Variants in PAQR3 observed in about 807,000 individuals in gnomAD.
PAQR3 encodes progestin and adipoQ receptor family member 3.
In PAQR3, 39 loss-of-function variants were observed where a neutral mutation model predicts 41.7. The observed-to-expected ratio is 0.93, with a 90% CI of 0.72 to 1.22. The LOEUF (loss-of-function observed/expected upper bound fraction) is 1.22, where lower values mean the gene tolerates loss of function less well. Among genes scored for constraint, PAQR3 ranks in the 50% most tolerant of loss-of-function variants. The pLI, the probability that PAQR3 is intolerant of heterozygous loss-of-function variation, is 0.00. For synonymous variants in PAQR3, 140 were observed against 140.6 expected (o/e 1.00, Z 0.03); for missense variants, 366 against 385.6 (o/e 0.95, Z 0.42).
At chr4:78,911,132 CCTT>C (rs775002265), downstream of PAQR3, 17 of 1,613,998 alleles carry the variant, frequency 1.1e-5, no homozygotes, top group Non-Finnish European at 1.3e-5. Flanking sequence ...GGCGCTGTCC[CCTT>C]CTTTGCAGTG....
chr4:78,911,480 T>G (rs760581889), downstream of PAQR3: 1 of 1,613,988 alleles, frequency 6.2e-7, no homozygotes, highest in South Asian at 1.1e-5. Context: ...TTACAGAAAC[T>G]GTCCTCTCGC....
In PAQR3 at chr4:78,920,205, C is replaced by G. The variant is rs10028067; in HGVS notation, c.*334G>C. 0.85 allele frequency: 857,332 copies of G among 1,014,170 alleles called. 362,803 individuals are homozygous for G. The highest frequency in any genetic ancestry group is 0.91 in the East Asian group (9,861 of 10,854). The allele number at this position is 1,014,170 out of a possible 1,614,324, so 62.8% of individuals were successfully genotyped here. A position where few individuals can be genotyped will look rare whatever the true frequency, so the allele number is the denominator to read the frequency against. On this transcript the variant is annotated 3_prime_UTR_variant, in exon 6 of 6. Transcript: ENST00000512733. The stretch of plus-strand genomic sequence containing the variant: ...TAAGATGACTCCATTTTCTAATGGA[C>G]ATGAGCCCTTCCTAAGGAAATTAAG...
Position 78,914,865 on chromosome 4 carries a change from C to T in PAQR3, c.*5674G>A, listed in dbSNP as rs1453024774. ...AAATTATTATGAAGCTAGCAAAAAT[C>T]TTGAGGCCAAAGTTGTTTCTTAACA... On this transcript the variant is annotated 3_prime_UTR_variant, in exon 6 of 6. Transcript: ENST00000512733. The T allele has an allele frequency of 2.6e-5, 4 of 151,764 alleles. No homozygotes were observed. The highest frequency in any genetic ancestry group is 6.6e-5 in the Admixed American group (1 of 15,226). 9.4% of individuals were successfully genotyped at this position (151,764 alleles called of 1,614,324 possible). A position where few individuals can be genotyped will look rare whatever the true frequency, so the allele number is the denominator to read the frequency against.
At chr4:78,911,367 C>G, downstream of PAQR3, 1 of 1,614,000 alleles carries the variant, frequency 6.2e-7, no homozygotes, top group Non-Finnish European at 8.5e-7. Context: ...TTCAGCCCTT[C>G]CTCACATCAA....
chr4:78,909,973 T>A (rs1166112679), downstream of PAQR3, among the ~76,000 whole-genome samples: 2 of 152,202 alleles, frequency 1.3e-5, no homozygotes, highest in Non-Finnish European at 2.9e-5. Flanking sequence ...CTCGCTTTTT[T>A]AATGTAATGT....
At chr4:78,911,451 A>G, downstream of PAQR3, 2 of 1,614,058 alleles carry the variant, frequency 1.2e-6, no homozygotes, top group Non-Finnish European at 1.7e-6. Context: ...GCCAGCAGCA[A>G]AAAGTCAAAC....
intron 2 of PAQR3, among the ~76,000 whole-genome samples, chr4:78,930,894 A>G (rs1344274170): frequency 3.3e-5 from 5 of 151,700 alleles, no homozygotes; most frequent in Non-Finnish European, 7.4e-5. Context: ...ATATATATAT[A>G]TATATATATA....
In PAQR3 at chr4:78,939,033, A is replaced by C. The variant is rs779439907; in HGVS notation, c.185+7T>G. On this transcript the variant is annotated splice_region_variant and intron_variant, in intron 1 of 5. Transcript: ENST00000512733. The stretch of plus-strand genomic sequence containing the variant: ...GGGCACTCCAGGCGGAGGCAGCCAG[A>C]CCGTACCTTTTGATACACAGCCTGG... 8.8e-6 allele frequency: 14 copies of C among 1,593,888 alleles called. No individual in the cohort carries two copies. In the South Asian group the frequency reaches 1.6e-4, roughly 18 times the overall value.
intron 11 of PAQR3, among the ~76,000 whole-genome samples, chr4:78,890,932 T>C (rs759550371): frequency 1.8e-4 from 27 of 152,280 alleles, no homozygotes; most frequent in Middle Eastern, 3.4e-3. Context: ...GGGTGGCTCA[T>C]GCCTGTAATC....
chr4:78,887,293 C>T (rs1245924149), exon 13 of PAQR3: 3 of 1,556,808 alleles, frequency 1.9e-6, no homozygotes, highest in Non-Finnish European at 2.6e-6. Flanking sequence ...AGGCAAGTTA[C>T]ACATGTAACA....
chr4:78,922,437 A>T (rs189489751), intron 5 of PAQR3: 6 of 1,288,626 alleles, frequency 4.7e-6, no homozygotes, highest in Admixed American at 4.6e-5. Context: ...CCCAGGAAGA[A>T]GAGGGGATAA....
chr4:78,922,080 T>A (rs1735710354), intron 5 of PAQR3: 1 of 1,036,622 alleles, frequency 9.6e-7, no homozygotes, highest in African/African-American at 1.7e-5. Context: ...TGTCTTGCTA[T>A]AAAGAAAATA....
chr4:78,920,616 A>AAT lies in PAQR3; in HGVS notation c.857_858dup (p.Trp287IlefsTer34). ...ACATACACTGTTGACTGATGCCACC[A>AAT]ATATAACATCACTACTGCAAGGATA... On this transcript the variant is annotated frameshift_variant, in exon 6 of 6. Coordinates refer to ENST00000512733, the MANE Select transcript of PAQR3 (RefSeq NM_001040202.2). LOFTEE classifies it high-confidence loss of function. 6.2e-7 allele frequency: 1 copy of AAT among 1,612,026 alleles called. No individual in the cohort carries two copies. The highest frequency in any genetic ancestry group is 8.5e-7 in the Non-Finnish European group (1 of 1,178,650).
At chr4:78,922,736 T>C in intron 5 of PAQR3, 1 of 361,496 alleles carries the variant, frequency 2.8e-6, no homozygotes, top group Non-Finnish European at 5.4e-6. Context: ...ATGCATTTTC[T>C]CATCTAATCC....
rs1734933511 is a variant in PAQR3, at chr4:78,915,139, T to G, written c.*5400A>C. On this transcript the variant is annotated 3_prime_UTR_variant, in exon 6 of 6. Transcript: ENST00000512733. ...GTGTAATTATTTTCCCTTACCCCAATCCCTGTGTACGTGTTGGGTATAGTT... is the reference window on the plus strand; with the variant it reads ...GTGTAATTATTTTCCCTTACCCCAAGCCCTGTGTACGTGTTGGGTATAGTT... 1 of 151,960 alleles carries G rather than the reference T, an allele frequency of 6.6e-6. No homozygotes were observed. Among genetic ancestry groups the G allele is most frequent in the African/African-American group, 2.4e-5 (1 of 41,424 alleles). 9.4% of individuals were successfully genotyped at this position (151,960 alleles called of 1,614,324 possible).
chr4:78,935,597 C>A (rs1432795441), intron 1 of PAQR3, among the ~76,000 whole-genome samples: 1 of 152,180 alleles, frequency 6.6e-6, no homozygotes, highest in Non-Finnish European at 1.5e-5. Flanking sequence ...ATGGTCAGTA[C>A]CATTCATCTT....
rs368919911 is a variant in PAQR3, at chr4:78,926,532, G to A, written c.691C>T (p.Pro231Ser). 5.3e-5 allele frequency: 86 copies of A among 1,611,594 alleles called. 1 individual carries two copies. The East Asian group carries it at 1.1e-3, about 20-fold the overall frequency. The change falls in exon 4 of 6, where the codon CCT (proline) becomes TCT (serine). Residue 231 changes from proline (P) to serine (S), a missense_variant. By Grantham distance (74) the Pro-to-Ser change is moderately conservative (BLOSUM62 -1). Coordinates refer to ENST00000512733, the MANE Select transcript of PAQR3 (RefSeq NM_001040202.2). ...TACACTCAACCTACCTGTACAATAGGAGCACCAATTCCTCCATTGAGCCAA... is the reference window on the plus strand; with the variant it reads ...TACACTCAACCTACCTGTACAATAGAAGCACCAATTCCTCCATTGAGCCAA... The part of the protein sequence containing the change: ...WVWLNGGIGA[P>S]IVQDFAPRVI...
intron 5 of PAQR3, chr4:78,922,125 CA>C: frequency 9.7e-7 from 1 of 1,032,226 alleles, no homozygotes; most frequent in Non-Finnish European, 1.2e-6. Context: ...TAAAGTGATA[CA>C]AAAATATATT....
intron 11 of PAQR3, among the ~76,000 whole-genome samples, chr4:78,897,374 T>C (rs1733756530): frequency 6.6e-6 from 1 of 152,148 alleles, no homozygotes; most frequent in Non-Finnish European, 1.5e-5. Flanking sequence ...AATTAAAATT[T>C]AGTGCTGTTT....
Sources: allele counts gnomAD v4.1 joint callset (sites outside exome capture counted in the v4.1 genomes callset), GRCh38; gene constraint gnomAD v4.1.1; transcripts MANE v1.5; gene names NCBI Gene and HGNC (gene_info 2026-07-23, HGNC 2026-07-21).